VPS13D: variants seen among roughly 807,000 people sequenced by gnomAD.
VPS13D encodes intermembrane lipid transfer protein VPS13D.
A neutral mutation model predicts 461.9 loss-of-function variants in VPS13D; 187 were observed. The ratio of observed to expected loss-of-function variants is 0.40; its 90% confidence interval spans 0.36 to 0.46. The LOEUF (loss-of-function observed/expected upper bound fraction) is 0.46. VPS13D is among the 20% of genes least tolerant of loss of function. The pLI, the probability that VPS13D is intolerant of heterozygous loss-of-function variation, is 0.60. For synonymous variants in VPS13D, 1,951 were observed against 1,986.3 expected (o/e 0.98, Z 0.47); for missense variants, 4,711 against 5,364.9 (o/e 0.88, Z 3.81).
At chr1:12,379,409 C>A in intron 56 of VPS13D, 79 bp from the exon 57 acceptor site, 1 of 1,303,640 alleles carries the variant, frequency 7.7e-7, no homozygotes, top group Non-Finnish European at 1.1e-6. Flanking sequence ...AAGAGCAAAG[C>A]CATCATCCTC....
At chr1:12,411,723 A>G (rs962819570) in intron 63 of VPS13D, among the ~76,000 whole-genome samples, 1 of 152,202 alleles carries the variant, frequency 6.6e-6, no homozygotes, top group African/African-American at 2.4e-5. Context: ...TGGTCTCACC[A>G]GTGGTTGTTC....
chr1:12,440,872 C>T (rs996235703), intron 65 of VPS13D, among the ~76,000 whole-genome samples: 6 of 150,606 alleles, frequency 4.0e-5, no homozygotes, highest in African/African-American at 1.5e-4. Flanking sequence ...CGAGACTCTG[C>T]CTCAAAAAAA....
intron 37 of VPS13D, among the ~76,000 whole-genome samples, chr1:12,332,949 G>A (rs1018344661): frequency 6.6e-6 from 1 of 152,084 alleles, no homozygotes; most frequent in African/African-American, 2.4e-5. Context: ...GTTCTTTAGT[G>A]GAAGAGGGCA....
intron 66 of VPS13D, among the ~76,000 whole-genome samples, chr1:12,458,578 A>G (rs1177453920): frequency 6.6e-6 from 1 of 152,180 alleles, no homozygotes; most frequent in Non-Finnish European, 1.5e-5. Flanking sequence ...AAAAAAAAAA[A>G]AAGTTTGGGA....
At chr1:12,422,848 CTTTT>C (rs748419781) in intron 65 of VPS13D, among the ~76,000 whole-genome samples, 1 of 130,530 alleles carries the variant, frequency 7.7e-6, no homozygotes, top group Non-Finnish European at 1.7e-5. Flanking sequence ...TTTTGAAGGT[CTTTT>C]TTTTTTTTTT....
chr1:12,267,924 A>ATTTGTCC lies in VPS13D; in HGVS notation c.1801+6_1801+12dup, dbSNP rs1305293960. 10 of 1,611,186 alleles carry ATTTGTCC rather than the reference A, an allele frequency of 6.2e-6. No homozygotes were observed. The highest frequency in any genetic ancestry group is 8.5e-6 in the Non-Finnish European group (10 of 1,178,798). ...GACAGAAGTGATCATTACCCAGGTA[A>ATTTGTCC]TTTGTCCTATGTTGTTTTTTTAAAA... On this transcript the variant is annotated splice_donor_region_variant and intron_variant, in intron 15 of 69. Transcript: ENST00000620676.
At chr1:12,379,070 G>A (rs1644238823) in intron 56 of VPS13D, among the ~76,000 whole-genome samples, 1 of 152,150 alleles carries the variant, frequency 6.6e-6, no homozygotes, top group African/African-American at 2.4e-5. Flanking sequence ...TGTGTTTTCA[G>A]TTAATACCTT....
intron 63 of VPS13D, among the ~76,000 whole-genome samples, chr1:12,408,100 G>A (rs536129550): frequency 1.3e-5 from 2 of 152,136 alleles, no homozygotes; most frequent in Admixed American, 6.5e-5. Flanking sequence ...GCCTGCTCAC[G>A]TACTTTATCA....
At position 12,378,607 on chromosome 1, in the gene VPS13D, A is replaced by G; in HGVS notation, c.11081+16A>G. On this transcript the variant is annotated intron_variant, in intron 56 of 69. Coordinates refer to ENST00000620676, the MANE Select transcript of VPS13D (RefSeq NM_015378.4). Reference sequence around the variant, plus strand: ...CTGACAACAGGTAATTTTCTAGGCAACTTTTGATTCAAGCTCATTGCTTTC... The same window carrying G: ...CTGACAACAGGTAATTTTCTAGGCAGCTTTTGATTCAAGCTCATTGCTTTC... 1 of 1,535,284 alleles carries G rather than the reference A, an allele frequency of 6.5e-7. No homozygotes were observed. Among genetic ancestry groups the G allele is most frequent in the Non-Finnish European group, 8.8e-7 (1 of 1,137,146 alleles).
In VPS13D at chr1:12,277,660, A is replaced by G. The variant is rs370386266; in HGVS notation, c.4072A>G (p.Asn1358Asp). 3.7e-6 allele frequency: 6 copies of G among 1,614,038 alleles called. No individual in the cohort carries two copies. The African/African-American group carries it at 6.7e-5, about 18-fold the overall frequency. ...KTREPFILEE[N>D]EIYGFDLASS... ...TCGGGAACCCTTTATCTTAGAGGAA[A>G]ATGAAATATATGGGTTTGACCTAGC... is the stretch of plus-strand genomic sequence containing the variant. Residue 1358 changes from asparagine (N) to aspartate (D), a missense_variant, in exon 19 of 70, where the codon AAT becomes GAT. By Grantham distance (23) the Asn-to-Asp change is conservative. Transcript: ENST00000620676.
rs776180954 is a variant in VPS13D, at chr1:12,268,720, G to T, written c.1816G>T (p.Gly606Cys). Residue 606 changes from glycine (G) to cysteine (C), a missense_variant, in exon 16 of 70, where the codon GGC becomes TGC. Physicochemically the swap from Gly to Cys is radical, Grantham distance 159 (BLOSUM62 -3). This residue lies in a region of VPS13D where 4,411 missense variants were observed against 4,937.8 expected (regional missense o/e 0.89). Transcript: ENST00000620676. ...CTTTCCTTTAGCTGCAGATCCAGAT[G>T]GCCCCGTTTTTGAGATGCTGTATGA... ...SDHYPAADPD[G>C]PVFEMLYERN... is the part of the protein sequence containing the mutation. The T allele has an allele frequency of 6.2e-7, 1 of 1,613,416 alleles. No homozygotes were observed. The highest frequency in any genetic ancestry group is 8.5e-7 in the Non-Finnish European group (1 of 1,179,790).
At chr1:12,304,143 A>G (rs1287716077) in intron 25 of VPS13D, among the ~76,000 whole-genome samples, 2 of 152,226 alleles carry the variant, frequency 1.3e-5, no homozygotes, top group African/African-American at 4.8e-5. Flanking sequence ...CAAAGCAACA[A>G]ACTGTCATAT....
At chr1:12,301,761 C>G (rs1203516062) in intron 25 of VPS13D, among the ~76,000 whole-genome samples, 2 of 152,238 alleles carry the variant, frequency 1.3e-5, no homozygotes, top group Non-Finnish European at 2.9e-5. Context: ...GTTGCCTGTA[C>G]TTCCAGCAAC....
At chr1:12,428,831 A>G (rs1357942660) in intron 65 of VPS13D, among the ~76,000 whole-genome samples, 1 of 152,230 alleles carries the variant, frequency 6.6e-6, no homozygotes, top group African/African-American at 2.4e-5. Context: ...AGAAAGGAAG[A>G]CTTAGAAAAT....
At chr1:12,246,565 A>T (rs900165314) in intron 5 of VPS13D, among the ~76,000 whole-genome samples, 1 of 152,232 alleles carries the variant, frequency 6.6e-6, no homozygotes, top group Non-Finnish European at 1.5e-5. Flanking sequence ...CGTGACCTGT[A>T]CATATACATC....
In VPS13D at chr1:12,509,100, C is replaced by G. The variant is rs758571876; in HGVS notation, c.*76C>G. The G allele has an allele frequency of 6.6e-7, 1 of 1,509,964 alleles. No homozygotes were observed. The highest frequency in any genetic ancestry group is 8.9e-7 in the Non-Finnish European group (1 of 1,126,702). The allele number at this position is 1,509,964 out of a possible 1,614,324, so 93.5% of individuals were successfully genotyped here. A position where few individuals can be genotyped will look rare whatever the true frequency, so the allele number is the denominator to read the frequency against. ...GGAAAGAGGCCCAGCTCTCAGCTGA[C>G]GATGGAGGCAGAACCGGAGTCGGGT... On this transcript the variant is annotated 3_prime_UTR_variant, in exon 70 of 70. Coordinates refer to ENST00000620676, the MANE Select transcript of VPS13D (RefSeq NM_015378.4).
intron 65 of VPS13D, among the ~76,000 whole-genome samples, chr1:12,440,786 C>G (rs114722444): frequency 0.035 from 5,255 of 149,260 alleles, 187 homozygotes; most frequent in Admixed American, 0.11. Flanking sequence ...TGAGGCGTGA[C>G]AATCACTTGA....
rs1380343773 is a variant in VPS13D, at chr1:12,258,041, G to A, written c.1048G>A (p.Val350Ile). The A allele has an allele frequency of 1.2e-6, 2 of 1,614,100 alleles. No homozygotes were observed. Among genetic ancestry groups the A allele is most frequent in the South Asian group, 1.1e-5 (1 of 91,088 alleles). Residue 350 changes from valine to isoleucine, a missense_variant, in exon 10 of 70, where the codon GTA (valine) becomes ATA (isoleucine). Physicochemically the swap from Val to Ile is conservative, Grantham distance 29 (BLOSUM62 3). This residue lies in a region of VPS13D where 4,411 missense variants were observed against 4,937.8 expected (regional missense o/e 0.89). Transcript: ENST00000620676. ...TATGTTGCACCGCGCTCGTGATGCT[G>A]TATCTTACACTGACAAATATTTCAA... ...DFMLHRARDAVSYTDKYFNKL... is the reference protein window; with the variant it reads ...DFMLHRARDAISYTDKYFNKL...
intron 57 of VPS13D, among the ~76,000 whole-genome samples, chr1:12,381,985 T>TTC (rs1644287112): frequency 6.8e-6 from 1 of 147,058 alleles, no homozygotes; most frequent in Admixed American, 6.9e-5. Context: ...TTTCTTTCTC[T>TTC]CTCTCTCTCT....
Sources: gnomAD v4.1 joint callset for allele counts (sites outside exome capture counted in the v4.1 genomes callset) on GRCh38, gnomAD v4.1.1 for gene constraint, gnomAD v4.1.1 regional missense constraint, MANE v1.5 for transcripts, NCBI Gene and HGNC (gene_info 2026-07-23, HGNC 2026-07-21) for gene names.